Variants in DMD observed in about 807,000 individuals in gnomAD.
DMD encodes the protein mutant dystrophin.
Under a neutral mutation model 330.1 loss-of-function variants are expected in DMD, and 63 were observed. That is an observed-to-expected ratio of 0.19 (90% confidence interval 0.16 to 0.24). The LOEUF (loss-of-function observed/expected upper bound fraction) is 0.24, where lower values mean the gene tolerates loss of function less well. Among genes scored for constraint, DMD ranks in the 10% least tolerant of loss-of-function variants. The pLI, the probability that DMD is intolerant of heterozygous loss-of-function variation, is 1.00. For synonymous variants in DMD, 1,223 were observed against 959.8 expected (o/e 1.27, Z -5.07); for missense variants, 3,344 against 2,684.1 (o/e 1.25, Z -5.43).
intron 4 of DMD, 76 bp from the exon 5 acceptor site, chrX:32,823,463 G>C (rs1007076978): frequency 7.0e-6 from 5 of 714,555 alleles, no homozygotes; most frequent in Non-Finnish European, 1.1e-5. Context: ...TAATAAAAAC[G>C]TGAAGGTAAT....
chrX:33,162,768 T>C (rs1311037429), intron 1 of DMD, among the ~76,000 whole-genome samples: 1 of 111,306 alleles, frequency 9.0e-6, no homozygotes, highest in Non-Finnish European at 1.9e-5. Flanking sequence ...TTTTTTTTTT[T>C]AGCATTTTCA....
intron 7 of DMD, among the ~76,000 whole-genome samples, chrX:32,736,917 A>C (rs947185367): frequency 9.0e-6 from 1 of 111,340 alleles, no homozygotes; most frequent in African/African-American, 3.3e-5. Flanking sequence ...AAAGTATAAT[A>C]ATAAAAGAAA....
intron 7 of DMD, among the ~76,000 whole-genome samples, chrX:32,786,927 G>A: frequency 9.3e-6 from 1 of 107,066 alleles, no homozygotes; most frequent in East Asian, 3.0e-4. Flanking sequence ...AGCACTTAAT[G>A]TTTAATAAAT....
intron 2 of DMD, among the ~76,000 whole-genome samples, chrX:32,923,958 TA>T (rs1278357520): frequency 2.7e-5 from 3 of 111,966 alleles, no homozygotes; most frequent in African/African-American, 9.7e-5. Flanking sequence ...ATAGATGCAT[TA>T]AAAACTATCA....
At chrX:32,379,810 G>A (rs2097917716) in intron 34 of DMD, among the ~76,000 whole-genome samples, 2 of 110,603 alleles carry the variant, frequency 1.8e-5, no homozygotes, top group South Asian at 7.6e-4. Flanking sequence ...ACATTAAGTG[G>A]GTGTAAATGG....
intron 7 of DMD, among the ~76,000 whole-genome samples, chrX:32,730,588 T>G (rs2067463063): frequency 8.9e-6 from 1 of 111,936 alleles, no homozygotes; most frequent in South Asian, 3.7e-4. Flanking sequence ...GCCCTAGGAA[T>G]AAGCTTAAAG....
rs557006654 is a variant in DMD, at chrX:31,880,087, T to C, written c.6913-4714A>G. 2.0e-4 allele frequency among the ~76,000 whole-genome samples: 22 copies of C among 112,018 alleles called. 1 individual carries two copies. The South Asian group carries it at 7.7e-3, about 39-fold the overall frequency. ...TATTCTTTCAATCTCTGAATGTTAA[T>C]TTCAAATGTATATGTTTTAATATTA... On this transcript the variant is annotated intron_variant, in intron 47 of 78. Coordinates refer to ENST00000357033, the MANE Select transcript of DMD (RefSeq NM_004006.3).
chrX:31,483,099 T>C (rs768234838), intron 57 of DMD, among the ~76,000 whole-genome samples: 5 of 96,274 alleles, frequency 5.2e-5, no homozygotes, highest in Admixed American at 3.8e-4. Context: ...CAGGCTGGAG[T>C]GCAGTGGCGC....
At chrX:32,403,067 T>C (rs994922832) in intron 30 of DMD, among the ~76,000 whole-genome samples, 11 of 111,550 alleles carry the variant, frequency 9.9e-5, no homozygotes, top group African/African-American at 2.9e-4. Flanking sequence ...AGCTGAACTT[T>C]AGTGGTTAGA....
At chrX:32,116,821 C>T (rs182129235) in intron 44 of DMD, among the ~76,000 whole-genome samples, 1 of 112,212 alleles carries the variant, frequency 8.9e-6, no homozygotes, top group Admixed American at 9.4e-5. Context: ...ATATTTCCCA[C>T]CAACTTTGTG....
At chrX:31,255,202 A>G (rs1488390389) in intron 63 of DMD, among the ~76,000 whole-genome samples, 1 of 111,587 alleles carries the variant, frequency 9.0e-6, no homozygotes, top group Non-Finnish European at 1.9e-5. Context: ...TTTTAACCAC[A>G]TAATTGCACT....
At chrX:32,252,705 T>TAAATAC (rs2097272100) in intron 43 of DMD, among the ~76,000 whole-genome samples, 1 of 38,355 alleles carries the variant, frequency 2.6e-5, no homozygotes, top group Non-Finnish European at 4.3e-5. Flanking sequence ...TAAATATATA[T>TAAATAC]AAATATATAA....
chrX:31,236,906 C>A (rs974747110), intron 63 of DMD, among the ~76,000 whole-genome samples: 4 of 111,910 alleles, frequency 3.6e-5, no homozygotes, highest in Non-Finnish European at 7.5e-5. Context: ...AGATTCTTCT[C>A]TACCCTTTAT....
chrX:32,945,073 T>A (rs2090707606), intron 2 of DMD, among the ~76,000 whole-genome samples: 1 of 111,342 alleles, frequency 9.0e-6, no homozygotes, highest in African/African-American at 3.3e-5. Flanking sequence ...ATTTTATGTG[T>A]TTCTATCAGA....
intron 44 of DMD, among the ~76,000 whole-genome samples, chrX:32,107,406 G>C (rs1478688069): frequency 9.6e-6 from 1 of 104,531 alleles, no homozygotes; most frequent in Non-Finnish European, 2.0e-5. Context: ...TAAGAAATTG[G>C]CTCATGCAAT....
chrX:32,724,210 C>T (rs1245895764), intron 7 of DMD, among the ~76,000 whole-genome samples: 1 of 111,412 alleles, frequency 9.0e-6, no homozygotes, highest in Non-Finnish European at 1.9e-5. Context: ...CATTTAAAAT[C>T]AAAAGTAATA....
intron 40 of DMD, chrX:32,342,657 T>C: frequency 3.8e-6 from 1 of 259,939 alleles, no homozygotes; most frequent in East Asian, 9.7e-5. Flanking sequence ...TTATTTCCTT[T>C]TTAAAGGTTT....
intron 71 of DMD, among the ~76,000 whole-genome samples, chrX:31,173,938 G>A (rs112969324): frequency 1.8e-5 from 2 of 111,125 alleles, no homozygotes; most frequent in East Asian, 2.8e-4. Context: ...CTATAATTCC[G>A]AAATTGTGTT....
chrX:33,095,286 G>C (rs1360429687), intron 1 of DMD, among the ~76,000 whole-genome samples: 1 of 112,528 alleles, frequency 8.9e-6, no homozygotes, highest in African/African-American at 3.2e-5. Flanking sequence ...GCCAAATCAA[G>C]CAACACTCAC....
Sources: gnomAD v4.1 joint callset for allele counts (sites outside exome capture counted in the v4.1 genomes callset) on GRCh38, gnomAD v4.1.1 for gene constraint, MANE v1.5 for transcripts, NCBI Gene and HGNC (gene_info 2026-07-23, HGNC 2026-07-21) for gene names.